The following CSMD3 variants were observed in gnomAD, a reference collection of about 807,000 sequenced individuals.
CSMD3 encodes CUB and Sushi multiple domains 3.
A neutral mutation model predicts 435.2 loss-of-function variants in CSMD3; 177 were observed. That is an observed-to-expected ratio of 0.41 (90% CI 0.36 to 0.46). The LOEUF is 0.46. CSMD3 is among the 20% of genes least tolerant of loss of function. The pLI is 0.34. For missense variants in CSMD3, 4,265 were observed against 4,504.6 expected (o/e 0.95, Z 1.52); for synonymous variants, 1,656 against 1,520.5 (o/e 1.09, Z -2.07).
chr8:112,916,504 C>T (rs571250169), intron 10 of CSMD3, among the ~76,000 whole-genome samples: 44 of 151,110 alleles, frequency 2.9e-4, no homozygotes, highest in Non-Finnish European at 5.2e-4. Flanking sequence ...GATAAACTTC[C>T]ATATCTACAC....
intron 1 of CSMD3, among the ~76,000 whole-genome samples, chr8:113,408,988 A>G (rs1411137665): frequency 6.6e-6 from 1 of 151,954 alleles, no homozygotes; most frequent in Admixed American, 6.6e-5. Context: ...AATTTTTATA[A>G]TAAAATTTCA....
intron 23 of CSMD3, among the ~76,000 whole-genome samples, chr8:112,585,352 A>G (rs1297661671): frequency 1.3e-5 from 2 of 151,538 alleles, no homozygotes; most frequent in African/African-American, 4.8e-5. Context: ...TTAACTTTTT[A>G]AACATATAAG....
intron 12 of CSMD3, among the ~76,000 whole-genome samples, chr8:112,813,259 T>C (rs1310669057): frequency 1.3e-5 from 2 of 152,294 alleles, no homozygotes; most frequent in South Asian, 2.1e-4. Context: ...AGTTAGATTA[T>C]GTGATTGCCT....
At chr8:112,663,577 G>T (rs1238050697) in intron 17 of CSMD3, among the ~76,000 whole-genome samples, 3 of 151,868 alleles carry the variant, frequency 2.0e-5, no homozygotes, top group Non-Finnish European at 4.4e-5. Flanking sequence ...CGTGGCACAT[G>T]TATACATATG....
At chr8:112,512,689 C>T (rs1216056487) in intron 28 of CSMD3, among the ~76,000 whole-genome samples, 1 of 152,100 alleles carries the variant, frequency 6.6e-6, no homozygotes, top group East Asian at 1.9e-4. Flanking sequence ...TGCATTAGCC[C>T]CTATAAGAGA....
At chr8:112,305,000 T>C in intron 51 of CSMD3, 85 bp from the exon 52 acceptor site, 1 of 961,764 alleles carries the variant, frequency 1.0e-6, no homozygotes, top group Non-Finnish European at 1.6e-6. Flanking sequence ...ACTGACCTAA[T>C]TCACTTACTC....
chr8:113,392,061 T>C (rs576932287), intron 1 of CSMD3, among the ~76,000 whole-genome samples: 4 of 152,140 alleles, frequency 2.6e-5, no homozygotes, highest in South Asian at 2.1e-4. Flanking sequence ...TGCTTAATGA[T>C]TGACAAAACC....
intron 23 of CSMD3, among the ~76,000 whole-genome samples, chr8:112,578,007 G>T (rs1179442392): frequency 6.6e-6 from 1 of 151,880 alleles, no homozygotes; most frequent in African/African-American, 2.4e-5. Flanking sequence ...CCTCCTCTTG[G>T]ATCCTAGCAT....
chr8:112,998,674 GGTT>G (rs1205906119), intron 6 of CSMD3, among the ~76,000 whole-genome samples: 1 of 151,868 alleles, frequency 6.6e-6, no homozygotes, highest in Non-Finnish European at 1.5e-5. Context: ...CATTTAATAT[GGTT>G]TGGATTTGTG....
At chr8:112,264,451 C>T (rs1816744601) in intron 60 of CSMD3, among the ~76,000 whole-genome samples, 2 of 152,076 alleles carry the variant, frequency 1.3e-5, no homozygotes, top group South Asian at 4.1e-4. Context: ...GGAAGGGTAT[C>T]AACTTCAAAA....
At chr8:113,117,183 G>T (rs2090855478) in intron 4 of CSMD3, among the ~76,000 whole-genome samples, 1 of 152,200 alleles carries the variant, frequency 6.6e-6, no homozygotes, top group East Asian at 1.9e-4. Context: ...AAGCCTGGAG[G>T]GCTAATAGGA....
chr8:112,880,373 C>T (rs2081413216), intron 10 of CSMD3, among the ~76,000 whole-genome samples: 1 of 151,930 alleles, frequency 6.6e-6, no homozygotes, highest in Admixed American at 6.6e-5. Context: ...TACAAACAGG[C>T]CCTTGTAATA....
chr8:112,666,240 A>C, intron 17 of CSMD3, 37 bp downstream of exon 17: 1 of 1,472,288 alleles, frequency 6.8e-7, no homozygotes, highest in East Asian at 2.3e-5. Flanking sequence ...CTTTTAGATA[A>C]TATTTTCTTT....
chr8:112,286,088 G>A (rs896625110), intron 58 of CSMD3, among the ~76,000 whole-genome samples: 3 of 152,128 alleles, frequency 2.0e-5, no homozygotes, highest in Admixed American at 2.0e-4. Context: ...CACCCTAGAT[G>A]TTGTGAATTC....
At chr8:113,116,750 G>A (rs1457217308) in intron 4 of CSMD3, among the ~76,000 whole-genome samples, 1 of 152,146 alleles carries the variant, frequency 6.6e-6, no homozygotes, top group Non-Finnish European at 1.5e-5. Context: ...AGTTGTGAAT[G>A]GCTTTGACAA....
chr8:112,494,571 C>CTTTCTTTA (rs764889943), intron 30 of CSMD3, among the ~76,000 whole-genome samples: 1 of 93,720 alleles, frequency 1.1e-5, no homozygotes, highest in Non-Finnish European at 2.1e-5. Context: ...TTCTTTCTTT[C>CTTTCTTTA]TTTTCTTTCT....
At chr8:112,328,980 T>C (rs578067212) in intron 45 of CSMD3, among the ~76,000 whole-genome samples, 6 of 152,268 alleles carry the variant, frequency 3.9e-5, no homozygotes, top group Admixed American at 3.3e-4. Context: ...ACTCTTACTA[T>C]TTACCTAGAA....
chr8:113,034,811 C>G (rs1463207265), intron 5 of CSMD3, among the ~76,000 whole-genome samples: 1 of 151,882 alleles, frequency 6.6e-6, no homozygotes, highest in South Asian at 2.1e-4. Context: ...ACAAAACAGA[C>G]CACTCAATGA....
intron 17 of CSMD3, among the ~76,000 whole-genome samples, chr8:112,662,829 A>G (rs1393042887): frequency 6.6e-6 from 1 of 152,212 alleles, no homozygotes; most frequent in Non-Finnish European, 1.5e-5. Flanking sequence ...ATTTACAAGA[A>G]AAAAACTAAC....
Sources: allele counts gnomAD v4.1 joint callset (sites outside exome capture counted in the v4.1 genomes callset), GRCh38; gene constraint gnomAD v4.1.1; transcripts MANE v1.5; gene names NCBI Gene and HGNC (gene_info 2026-07-23, HGNC 2026-07-21).